C6orf58: variants seen among roughly 807,000 people sequenced by gnomAD.
C6orf58 encodes protein LEG1 homolog.
A neutral mutation model predicts 37.0 loss-of-function variants in C6orf58; 30 were observed. That is an observed-to-expected ratio of 0.81 (90% CI 0.61 to 1.10). The LOEUF (loss-of-function observed/expected upper bound fraction) is 1.10, where lower values mean the gene tolerates loss of function less well. Among genes scored for constraint, C6orf58 ranks in the 50% least tolerant of loss-of-function variants. The probability of loss-of-function intolerance (pLI) is 0.00; values close to 1 mark genes in which losing one functional copy is unlikely to be tolerated. For missense variants in C6orf58, 368 were observed against 387.5 expected (o/e 0.95, Z 0.42); for synonymous variants, 143 against 134.1 (o/e 1.07, Z -0.46).
At chr6:127,587,325 T>C (rs1280876019) in intron 4 of C6orf58, among the ~76,000 whole-genome samples, 1 of 152,140 alleles carries the variant, frequency 6.6e-6, no homozygotes, top group East Asian at 1.9e-4. Flanking sequence ...TAATAAAATA[T>C]TGTGTTATGG....
intron 4 of C6orf58, 33 bp from the exon 5 acceptor site, chr6:127,590,054 T>G: frequency 6.8e-7 from 1 of 1,477,282 alleles, no homozygotes. Flanking sequence ...AGGTGACTAA[T>G]TATAATTAAA....
intron 5 of C6orf58, among the ~76,000 whole-genome samples, chr6:127,591,288 C>G (rs1266501979): frequency 6.6e-6 from 1 of 151,982 alleles, no homozygotes; most frequent in Non-Finnish European, 1.5e-5. Flanking sequence ...ATATATTTTT[C>G]TTGCATAATT....
In C6orf58 at chr6:127,590,206, G is replaced by T. The variant is rs201775588; in HGVS notation, c.794G>T (p.Gly265Val). The change falls in exon 5 of 6, where the codon GGC becomes GTC. Residue 265 changes from glycine to valine, a missense_variant. Gly to Val is a moderately radical substitution (Grantham distance 109, BLOSUM62 -3). Coordinates refer to ENST00000329722, the MANE Select transcript of C6orf58 (RefSeq NM_001010905.3). ...TLIRSYKFQK[G>V]MPPRILLNTD... ...ATTAGATCATATAAGTTCCAGAAGG[G>T]CATGCCACCACGAATTCTTCTTAAT... The T allele has an allele frequency of 6.2e-7, 1 of 1,613,738 alleles. No homozygotes were observed. Among genetic ancestry groups the T allele is most frequent in the South Asian group, 1.1e-5 (1 of 91,068 alleles).
intron 4 of C6orf58, among the ~76,000 whole-genome samples, chr6:127,584,750 TG>T (rs1775089755): frequency 1.3e-5 from 2 of 149,618 alleles, no homozygotes; most frequent in Admixed American, 1.3e-4. Context: ...CTCCAGAGAT[TG>T]GGGACTGGGT....
intron 2 of C6orf58, 52 bp from the exon 3 acceptor site, chr6:127,580,213 T>G: frequency 1.4e-6 from 2 of 1,383,216 alleles, no homozygotes; most frequent in Non-Finnish European, 2.0e-6. Context: ...AAAAATATCC[T>G]CTTTGAAATT....
chr6:127,578,404 C>T (rs984099756), intron 1 of C6orf58, among the ~76,000 whole-genome samples: 3 of 151,278 alleles, frequency 2.0e-5, no homozygotes, highest in African/African-American at 4.9e-5. Context: ...TTCATAGTTT[C>T]GATTAGAAGG....
chr6:127,588,095 G>T (rs1775124474), intron 4 of C6orf58, among the ~76,000 whole-genome samples: 1 of 152,148 alleles, frequency 6.6e-6, no homozygotes, highest in Non-Finnish European at 1.5e-5. Context: ...CTCTCATGTT[G>T]GCTGATTTTG....
At chr6:127,590,442 C>T (rs988055471) in intron 5 of C6orf58, 117 bp downstream of exon 5, 2 of 676,586 alleles carry the variant, frequency 3.0e-6, no homozygotes, top group African/African-American at 1.8e-5. Context: ...AAAGATTTCC[C>T]TGTGGGTATC....
chr6:127,580,178 T>C, intron 2 of C6orf58, 87 bp from the exon 3 acceptor site: 5 of 1,040,872 alleles, frequency 4.8e-6, no homozygotes, highest in Non-Finnish European at 7.0e-6. Flanking sequence ...GGTCTGTGAA[T>C]TTTTTTATGA....
intron 4 of C6orf58, among the ~76,000 whole-genome samples, chr6:127,587,147 A>G (rs1196473438): frequency 6.6e-6 from 1 of 152,062 alleles, no homozygotes; most frequent in Non-Finnish European, 1.5e-5. Flanking sequence ...AGCTTCCAAA[A>G]TCTTGTTGTT....
chr6:127,580,785 A>G (rs113409846), intron 3 of C6orf58, among the ~76,000 whole-genome samples: 1 of 152,110 alleles, frequency 6.6e-6, no homozygotes, highest in African/African-American at 2.4e-5. Flanking sequence ...ACTAAAATCA[A>G]TGAAGAAAAG....
chr6:127,583,030 A>C (rs1775066801), intron 4 of C6orf58, among the ~76,000 whole-genome samples: 1 of 152,210 alleles, frequency 6.6e-6, no homozygotes, highest in Non-Finnish European at 1.5e-5. Flanking sequence ...GTATGGTTAG[A>C]AGATACTAGC....
chr6:127,577,807 C>T (rs1244511889), intron 1 of C6orf58, among the ~76,000 whole-genome samples: 1 of 152,054 alleles, frequency 6.6e-6, no homozygotes, highest in East Asian at 1.9e-4. Flanking sequence ...CCTTTCTAAG[C>T]AATGAGATGA....
intron 4 of C6orf58, among the ~76,000 whole-genome samples, chr6:127,588,292 A>G (rs1775125947): frequency 6.6e-6 from 1 of 152,226 alleles, no homozygotes; most frequent in African/African-American, 2.4e-5. Context: ...GTCAAGTTAC[A>G]TGACTGAGTC....
intron 4 of C6orf58, among the ~76,000 whole-genome samples, chr6:127,583,005 C>A (rs1345661462): frequency 6.6e-6 from 1 of 151,962 alleles, no homozygotes; most frequent in Non-Finnish European, 1.5e-5. Flanking sequence ...TCTAAGGCCT[C>A]ATTTTTTAAT....
At chr6:127,583,735 G>T (rs1461198711) in intron 4 of C6orf58, among the ~76,000 whole-genome samples, 2 of 152,148 alleles carry the variant, frequency 1.3e-5, no homozygotes, top group Non-Finnish European at 2.9e-5. Context: ...TCTAGAACAT[G>T]GAAAATCTGG....
chr6:127,587,740 G>T (rs1775121123), intron 4 of C6orf58, among the ~76,000 whole-genome samples: 1 of 152,148 alleles, frequency 6.6e-6, no homozygotes, highest in Admixed American at 6.5e-5. Context: ...TTTTAAAATA[G>T]CAATAACAAT....
Position 127,577,478 on chromosome 6 carries a change from A to G in C6orf58, c.293A>G (p.Tyr98Cys). The part of the protein sequence containing the change: ...WGLPLQYGWQ[Y>C]RTGRLADPTR... ...TTGCCTCTGCAGTATGGCTGGCAAT[A>G]TAGGACAGGTAAGAATGACTCTTGT... Residue 98 changes from tyrosine to cysteine, a missense_variant, in exon 1 of 6, where the codon TAT becomes TGT. Physicochemically the swap from Tyr to Cys is radical, Grantham distance 194. Transcript: ENST00000329722. The G allele has an allele frequency of 6.2e-7, 1 of 1,613,432 alleles. No homozygotes were observed. Among genetic ancestry groups the G allele is most frequent in the Non-Finnish European group, 8.5e-7 (1 of 1,179,462 alleles).
intron 2 of C6orf58, 134 bp downstream of exon 2, chr6:127,578,906 A>G (rs1775018627): frequency 3.1e-6 from 2 of 645,050 alleles, no homozygotes; most frequent in Admixed American, 5.2e-5. Flanking sequence ...TTCACCGTGT[A>G]CCTTATGGCC....
Sources: allele counts gnomAD v4.1 joint callset (sites outside exome capture counted in the v4.1 genomes callset), GRCh38; gene constraint gnomAD v4.1.1; transcripts MANE v1.5; gene names NCBI Gene and HGNC (gene_info 2026-07-23, HGNC 2026-07-21).